Variants in NR6A1 observed in about 807,000 individuals in gnomAD.
NR6A1 encodes the protein retinoic acid receptor-related testis-associated receptor.
In NR6A1, 7 loss-of-function variants were observed where a neutral mutation model predicts 59.1. The ratio of observed to expected loss-of-function variants is 0.12; its 90% CI spans 0.07 to 0.22. NR6A1 has a LOEUF of 0.22. Ranked by LOEUF, NR6A1 falls within the 10% of genes least tolerant of loss-of-function variation. NR6A1 has a pLI of 1.00. For synonymous variants in NR6A1, 243 were observed against 236.1 expected (o/e 1.03, Z -0.27); for missense variants, 468 against 611.6 (o/e 0.77, Z 2.48).
chr9:124,669,820 C>T (rs1837735131), intron 2 of NR6A1, among the ~76,000 whole-genome samples: 1 of 152,154 alleles, frequency 6.6e-6, no homozygotes, highest in African/African-American at 2.4e-5. Context: ...TAGTCTTGAA[C>T]TCCTGACCTC....
chr9:124,554,242 C>A, intron 3 of NR6A1, 86 bp downstream of exon 3: 2 of 1,592,366 alleles, frequency 1.3e-6, no homozygotes, highest in Non-Finnish European at 1.7e-6. Flanking sequence ...GTAGTGCAAG[C>A]TTGAGGAATA....
intron 7 of NR6A1, among the ~76,000 whole-genome samples, chr9:124,529,699 C>G (rs1174670592): frequency 6.6e-6 from 1 of 152,208 alleles, no homozygotes; most frequent in Non-Finnish European, 1.5e-5. Flanking sequence ...CACAGCAACT[C>G]AGAGCAGGGC....
In NR6A1 at chr9:124,626,324, A is replaced by G. The variant is rs563643662; in HGVS notation, c.143-71754T>C. ...CCCAGCCATATCCTACAGATTTTGG[A>G]TTTGCCAGTCTTCATAATCACGTGA... On this transcript the variant is annotated intron_variant, in intron 2 of 9. Transcript: ENST00000487099. Among the ~76,000 whole-genome samples the G allele has an allele frequency of 1.3e-4, 20 of 152,244 alleles. 1 individual carries two copies. In the Middle Eastern group the frequency reaches 0.01, roughly 78 times the overall value.
chr9:124,610,816 G>T (rs762557417), intron 2 of NR6A1, among the ~76,000 whole-genome samples: 6 of 152,006 alleles, frequency 3.9e-5, no homozygotes, highest in Non-Finnish European at 8.8e-5. Context: ...ACTTCTTCCT[G>T]GCTCATTCTT....
chr9:124,538,328 A>T lies in NR6A1; in HGVS notation c.597-9T>A, dbSNP rs781230477. The T allele has an allele frequency of 6.2e-7, 1 of 1,607,784 alleles. No individual in the cohort carries two copies. The highest frequency in any genetic ancestry group is 8.5e-7 in the Non-Finnish European group (1 of 1,175,190). On this transcript the variant is annotated splice_polypyrimidine_tract_variant and intron_variant, in intron 5 of 9. Coordinates refer to ENST00000487099, the MANE Select transcript of NR6A1 (RefSeq NM_033334.4). The stretch of plus-strand genomic sequence containing the variant: ...TCAGTTCCACAGACCTACTGGAGAG[A>T]AAAGTCTTGCGTCAAACAGAGCCAT...
chr9:124,753,527 G>C (rs1396221915), intron 1 of NR6A1, among the ~76,000 whole-genome samples: 2 of 152,190 alleles, frequency 1.3e-5, no homozygotes, highest in African/African-American at 4.8e-5. Context: ...TGGTTTAGCA[G>C]AGTAGTGGTT....
intron 2 of NR6A1, among the ~76,000 whole-genome samples, chr9:124,677,816 G>A (rs1281212756): frequency 6.6e-6 from 1 of 151,876 alleles, no homozygotes; most frequent in Non-Finnish European, 1.5e-5. Context: ...TTTATAGTTT[G>A]CCAATGTCTA....
intron 1 of NR6A1, among the ~76,000 whole-genome samples, chr9:124,744,169 G>GTC (rs1840257450): frequency 6.6e-6 from 1 of 152,176 alleles, no homozygotes; most frequent in Non-Finnish European, 1.5e-5. Context: ...GAGCCTGGGA[G>GTC]GTTGAGGCCG....
chr9:124,765,243 CTTTA>C (rs1373295374), intron 1 of NR6A1, among the ~76,000 whole-genome samples: 2 of 152,174 alleles, frequency 1.3e-5, no homozygotes, highest in South Asian at 2.1e-4. Flanking sequence ...CATTGCATAA[CTTTA>C]TTTGTCCCAA....
At chr9:124,622,603 C>G (rs1836108812) in intron 2 of NR6A1, among the ~76,000 whole-genome samples, 1 of 152,026 alleles carries the variant, frequency 6.6e-6, no homozygotes, top group Admixed American at 6.5e-5. Context: ...AATACTGAAC[C>G]ACTATAACGT....
chr9:124,622,973 C>T (rs1394803261), intron 2 of NR6A1, among the ~76,000 whole-genome samples: 1 of 152,126 alleles, frequency 6.6e-6, no homozygotes, highest in Non-Finnish European at 1.5e-5. Flanking sequence ...TGTAATAAAA[C>T]TACAGAAGCA....
At chr9:124,644,268 C>CTT (rs1388547775) in intron 2 of NR6A1, among the ~76,000 whole-genome samples, 1 of 23,042 alleles carries the variant, frequency 4.3e-5, no homozygotes, top group African/African-American at 1.4e-4. Flanking sequence ...AAGATTAAGT[C>CTT]TTCTTTTTTT....
At chr9:124,737,668 C>A (rs953329780) in intron 1 of NR6A1, among the ~76,000 whole-genome samples, 1 of 152,136 alleles carries the variant, frequency 6.6e-6, no homozygotes, top group African/African-American at 2.4e-5. Context: ...GAGTTCGAGA[C>A]CAGCATGGCA....
intron 7 of NR6A1, 98 bp from the exon 8 acceptor site, chr9:124,526,998 G>A (rs1218408805): frequency 2.1e-6 from 3 of 1,460,772 alleles, no homozygotes; most frequent in South Asian, 1.2e-5. Flanking sequence ...AACAGGCTGA[G>A]CTTGGGGGAA....
In NR6A1 at chr9:124,567,854, T is replaced by A. The variant is rs59963301; in HGVS notation, c.143-13284A>T. On this transcript the variant is annotated intron_variant, in intron 2 of 9. Transcript: ENST00000487099. ...TGCTTTTTTTTTTTTTTTTTTTTTTTAACTAGTACAGAGTCATACGCATTT... is the reference window on the plus strand; with the variant it reads ...TGCTTTTTTTTTTTTTTTTTTTTTTAAACTAGTACAGAGTCATACGCATTT... Among the ~76,000 whole-genome samples, 559 of 146,308 alleles carry A rather than the reference T, an allele frequency of 3.8e-3. 6 individuals are homozygous for A. Among genetic ancestry groups the A allele is most frequent in the East Asian group, 0.019 (98 of 5,050 alleles).
At chr9:124,616,244 AT>A (rs1835886095) in intron 2 of NR6A1, among the ~76,000 whole-genome samples, 1 of 151,826 alleles carries the variant, frequency 6.6e-6, no homozygotes, top group Non-Finnish European at 1.5e-5. Context: ...TCTACTGAAA[AT>A]ACAAAAATTA....
chr9:124,548,250 T>C (rs1833660524), intron 3 of NR6A1, among the ~76,000 whole-genome samples: 1 of 152,206 alleles, frequency 6.6e-6, no homozygotes, highest in Non-Finnish European at 1.5e-5. Flanking sequence ...TTATTACTAC[T>C]GTTGCAACTT....
At chr9:124,598,754 C>G (rs562953935) in intron 2 of NR6A1, 108 of 935,128 alleles carry the variant, frequency 1.2e-4, no homozygotes, top group African/African-American at 6.4e-4. Flanking sequence ...TCTCCTTCAC[C>G]GAAAGAGCTT....
intron 2 of NR6A1, among the ~76,000 whole-genome samples, chr9:124,630,450 T>G (rs1836398689): frequency 1.3e-5 from 2 of 151,302 alleles, no homozygotes; most frequent in South Asian, 4.2e-4. Flanking sequence ...TTGGTCAGGC[T>G]GGTCTCCAAC....
Sources: gnomAD v4.1 joint callset for allele counts (sites outside exome capture counted in the v4.1 genomes callset) on GRCh38, gnomAD v4.1.1 for gene constraint, MANE v1.5 for transcripts, NCBI Gene and HGNC (gene_info 2026-07-23, HGNC 2026-07-21) for gene names.